MRAP2: variants seen among roughly 807,000 people sequenced by gnomAD.
MRAP2 encodes the protein melanocortin 2 receptor accessory protein 2, also known as melanocortin-2 receptor accessory protein 2.
Under a neutral mutation model 17.4 loss-of-function variants are expected in MRAP2, and 20 were observed. The observed-to-expected ratio is 1.15, with a 90% confidence interval of 0.81 to 1.67. The LOEUF (loss-of-function observed/expected upper bound fraction) is 1.67, where lower values mean the gene tolerates loss of function less well. Ranked by LOEUF, MRAP2 falls within the 40% of genes most tolerant of loss-of-function variation. MRAP2 has a pLI of 0.00. For missense variants in MRAP2, 238 were observed against 240.0 expected (o/e 0.99, Z 0.05); for synonymous variants, 96 against 88.4 (o/e 1.09, Z -0.48).
At chr6:84,093,344 C>T (rs1463027680), downstream of MRAP2, among the ~76,000 whole-genome samples, 2 of 152,128 alleles carry the variant, frequency 1.3e-5, no homozygotes, top group East Asian at 3.9e-4. Context: ...CAGGGTGAAA[C>T]AATGGTGCAG....
At chr6:84,079,302 C>A (rs958977625) in intron 3 of MRAP2, among the ~76,000 whole-genome samples, 1 of 152,086 alleles carries the variant, frequency 6.6e-6, no homozygotes, top group African/African-American at 2.4e-5. Flanking sequence ...GCACAAAAGG[C>A]CATATATCAT....
chr6:84,132,354 G>GT, the MRAP2 span, among the ~76,000 whole-genome samples: 4 of 152,074 alleles, frequency 2.6e-5, no homozygotes, highest in Admixed American at 6.6e-5. Flanking sequence ...TATCTTTGTG[G>GT]TGTTCTCTGT....
the MRAP2 span, among the ~76,000 whole-genome samples, chr6:84,102,993 G>A: frequency 1.3e-5 from 2 of 152,210 alleles, no homozygotes; most frequent in Non-Finnish European, 2.9e-5. Context: ...TGGTAGCTAT[G>A]AAAATGTAGA....
the MRAP2 span, chr6:84,124,627 C>T: frequency 9.9e-6 from 2 of 202,366 alleles, no homozygotes; most frequent in African/African-American, 2.4e-5. Context: ...CTGTTGGGTA[C>T]AGTGTTTAAT....
chr6:84,057,975 G>A (rs1329961986), intron 2 of MRAP2, among the ~76,000 whole-genome samples: 1 of 152,146 alleles, frequency 6.6e-6, no homozygotes, highest in South Asian at 2.1e-4. Flanking sequence ...GAGTGAACTG[G>A]ATCATGCAAG....
chr6:84,145,294 C>T, the MRAP2 span, among the ~76,000 whole-genome samples: 2 of 152,022 alleles, frequency 1.3e-5, no homozygotes, highest in African/African-American at 4.8e-5. Context: ...GCGTTTCTAG[C>T]CTGGAGATGC....
the MRAP2 span, among the ~76,000 whole-genome samples, chr6:84,144,005 C>CT: frequency 6.6e-5 from 10 of 151,878 alleles, no homozygotes; most frequent in Non-Finnish European, 1.5e-4. Flanking sequence ...CTTTGGATAA[C>CT]TAAGTATTGT....
At chr6:84,059,772 C>T (rs1367369396) in intron 2 of MRAP2, among the ~76,000 whole-genome samples, 1 of 152,112 alleles carries the variant, frequency 6.6e-6, no homozygotes, top group Non-Finnish European at 1.5e-5. Context: ...GGTGGAAACT[C>T]GTTTGGAAGG....
At chr6:84,069,247 G>T (rs904063681) in intron 3 of MRAP2, among the ~76,000 whole-genome samples, 1 of 151,918 alleles carries the variant, frequency 6.6e-6, no homozygotes, top group African/African-American at 2.4e-5. Flanking sequence ...GTCATAGATG[G>T]CTTTTGTTAC....
the MRAP2 span, among the ~76,000 whole-genome samples, chr6:84,138,437 G>C: frequency 2.0e-5 from 3 of 152,156 alleles, no homozygotes; most frequent in Admixed American, 6.5e-5. Flanking sequence ...ACCACCCTGA[G>C]AGGAAATGCC....
intron 1 of MRAP2, among the ~76,000 whole-genome samples, chr6:84,046,997 A>G (rs1320596323): frequency 6.6e-6 from 1 of 151,752 alleles, no homozygotes; most frequent in Non-Finnish European, 1.5e-5. Context: ...TGAAAAGAGC[A>G]AAGCTGGATC....
At chr6:84,075,848 A>T (rs1159184452) in intron 3 of MRAP2, among the ~76,000 whole-genome samples, 1 of 152,178 alleles carries the variant, frequency 6.6e-6, no homozygotes, top group Admixed American at 6.5e-5. Context: ...GCACTCATTA[A>T]AGAATGGGTA....
intron 2 of MRAP2, chr6:84,062,143 G>A: frequency 1.0e-6 from 1 of 980,004 alleles, no homozygotes; most frequent in Non-Finnish European, 1.2e-6. Flanking sequence ...GCCCAAGAAG[G>A]CCTCCATTAT....
chr6:84,117,641 GGGTGTGTGTC>G, the MRAP2 span, among the ~76,000 whole-genome samples: 128 of 133,846 alleles, frequency 9.6e-4, no homozygotes, highest in African/African-American at 4.7e-3. Context: ...TTTGGATGTG[GGGTGTGTGTC>G]TGTGTGTGTG....
chr6:84,106,641 G>T, the MRAP2 span, among the ~76,000 whole-genome samples: 1 of 152,108 alleles, frequency 6.6e-6, no homozygotes, highest in Admixed American at 6.5e-5. Context: ...TCAACTGATT[G>T]TAGGGTACTC....
the MRAP2 span, among the ~76,000 whole-genome samples, chr6:84,127,049 C>G: frequency 1.3e-5 from 2 of 152,014 alleles, no homozygotes; most frequent in Non-Finnish European, 2.9e-5. Context: ...AAGTACTGAG[C>G]CCTTTCTGTG....
At chr6:84,071,545 A>T (rs1249115479) in intron 3 of MRAP2, among the ~76,000 whole-genome samples, 1 of 152,160 alleles carries the variant, frequency 6.6e-6, no homozygotes, top group Non-Finnish European at 1.5e-5. Context: ...GGATAACCTG[A>T]TGACAGTGTG....
At chr6:84,101,549 T>G in the MRAP2 span, among the ~76,000 whole-genome samples, 2 of 152,220 alleles carry the variant, frequency 1.3e-5, no homozygotes, top group East Asian at 1.9e-4. Context: ...GAATTTGGCT[T>G]TGTGTTTTTC....
chr6:84,133,339 T>C, the MRAP2 span, among the ~76,000 whole-genome samples: 1 of 152,030 alleles, frequency 6.6e-6, no homozygotes, highest in Non-Finnish European at 1.5e-5. Context: ...GTCTGTCTGT[T>C]CTCAGATCTC....
Sources: gnomAD v4.1 joint callset for allele counts (sites outside exome capture counted in the v4.1 genomes callset) on GRCh38, gnomAD v4.1.1 for gene constraint, MANE v1.5 for transcripts, NCBI Gene and HGNC (gene_info 2026-07-23, HGNC 2026-07-21) for gene names.